Variants in CPEB3 observed in about 807,000 individuals in gnomAD.
CPEB3 encodes cytoplasmic polyadenylation element binding protein 3, also known as cytoplasmic polyadenylation element-binding protein 3.
CPEB3 carries 20 observed loss-of-function variants against 67.2 expected under a neutral mutation model. That is an observed-to-expected ratio of 0.30 (90% confidence interval 0.21 to 0.43). The LOEUF is 0.43. Ranked by LOEUF, CPEB3 falls within the 20% of genes least tolerant of loss-of-function variation. The pLI is 1.00. For synonymous variants in CPEB3, 376 were observed against 393.1 expected (o/e 0.96, Z 0.51); for missense variants, 746 against 968.6 (o/e 0.77, Z 3.05).
intron 1 of CPEB3, among the ~76,000 whole-genome samples, chr10:92,283,181 G>A (rs1030253940): frequency 2.0e-5 from 3 of 151,996 alleles, no homozygotes; most frequent in East Asian, 1.9e-4. Flanking sequence ...GAGCCCGGTA[G>A]GCAAGGCCAC....
intron 1 of CPEB3, among the ~76,000 whole-genome samples, chr10:92,258,689 T>G (rs1462905218): frequency 7.5e-6 from 1 of 132,736 alleles, no homozygotes; most frequent in Non-Finnish European, 1.6e-5. Flanking sequence ...TTTCATGTAT[T>G]TGTGTTCATC....
At position 92,240,114 on chromosome 10, in the gene CPEB3, T is replaced by C. The variant is rs1464041173; in HGVS notation, c.237A>G (p.Pro79=). ...GAGGAGGCTGATGGAAACTCAAGCC[T>C]GGCAGGAGCGGTGATTCCATCTGCA... is the stretch of plus-strand genomic sequence containing the variant. ...DKMQMESPLL[P]GLSFHQPPQQ... The change falls in exon 2 of 10, where the codon CCA becomes CCG. Residue 79 remains proline, a synonymous_variant. Transcript: ENST00000265997. The C allele has an allele frequency of 3.2e-6, 5 of 1,576,708 alleles. No individual in the cohort carries two copies. The highest frequency in any genetic ancestry group is 1.3e-5 in the African/African-American group (1 of 74,134).
At chr10:92,196,619 T>C (rs1035298754) in intron 2 of CPEB3, among the ~76,000 whole-genome samples, 5 of 151,876 alleles carry the variant, frequency 3.3e-5, no homozygotes, top group African/African-American at 9.7e-5. Flanking sequence ...ATACAAAAAA[T>C]CAGCCAGGCA....
At chr10:92,229,802 T>G (rs1031720524) in intron 2 of CPEB3, among the ~76,000 whole-genome samples, 1 of 152,206 alleles carries the variant, frequency 6.6e-6, no homozygotes, top group Admixed American at 6.5e-5. Flanking sequence ...CCCAACACTT[T>G]GGGAGGCCAA....
intron 1 of CPEB3, among the ~76,000 whole-genome samples, chr10:92,262,796 T>C (rs1271729652): frequency 6.6e-6 from 1 of 152,190 alleles, no homozygotes; most frequent in Non-Finnish European, 1.5e-5. Flanking sequence ...CCTAAATAAT[T>C]AGAATCATAA....
chr10:92,131,327 A>G (rs1323698375), intron 6 of CPEB3, among the ~76,000 whole-genome samples: 1 of 152,192 alleles, frequency 6.6e-6, no homozygotes, highest in East Asian at 1.9e-4. Flanking sequence ...ACCAAGAGCT[A>G]TCTATGGAGG....
rs1394292865 is a variant in CPEB3, at chr10:92,214,569, G to A, written c.1006-21933C>T. Among the ~76,000 whole-genome samples the A allele has an allele frequency of 7.3e-5, 11 of 151,660 alleles. No homozygotes were observed. The East Asian group carries it at 1.7e-3, about 24-fold the overall frequency. On this transcript the variant is annotated intron_variant, in intron 2 of 9. Coordinates refer to ENST00000265997, the MANE Select transcript of CPEB3 (RefSeq NM_014912.5). ...GTGATCTCAACTCACTGTAACCTCC[G>A]CCTCCCAGGTTCAAGCGATTCTCCT...
intron 9 of CPEB3, among the ~76,000 whole-genome samples, chr10:92,054,642 G>A (rs35738111): frequency 0.092 from 13,948 of 151,918 alleles, 898 homozygotes; most frequent in Non-Finnish European, 0.13. Flanking sequence ...GGGTTTCACC[G>A]TGTTGGCCAG....
chr10:92,232,843 TA>T (rs1273149623), intron 2 of CPEB3, among the ~76,000 whole-genome samples: 1 of 152,166 alleles, frequency 6.6e-6, no homozygotes, highest in East Asian at 1.9e-4. Flanking sequence ...AGAGGATATC[TA>T]AATTACATTT....
intron 3 of CPEB3, among the ~76,000 whole-genome samples, chr10:92,182,387 C>T (rs1247258755): frequency 6.6e-6 from 1 of 152,150 alleles, no homozygotes; most frequent in African/African-American, 2.4e-5. Flanking sequence ...GAAAGCATCA[C>T]AGTAGACAAA....
chr10:92,244,316 C>G (rs1590514549), intron 1 of CPEB3, among the ~76,000 whole-genome samples: 3 of 151,320 alleles, frequency 2.0e-5, no homozygotes, highest in East Asian at 3.9e-4. Context: ...CACTGCACTC[C>G]AGCCTGGGTG....
Position 92,091,734 on chromosome 10 carries a change from T to C in CPEB3, c.1687+96A>G, listed in dbSNP as rs959019420. ...CAGCCTTCTTTTTGGAGACTATGTATAGCTGACTGGAAACCTAGAAAATAT... is the reference window on the plus strand; with the variant it reads ...CAGCCTTCTTTTTGGAGACTATGTACAGCTGACTGGAAACCTAGAAAATAT... On this transcript the variant is annotated intron_variant, in intron 8 of 9. Transcript: ENST00000265997. 8.4e-6 allele frequency: 6 copies of C among 714,338 alleles called. No homozygotes were observed. The African/African-American group carries it at 1.1e-4, about 13-fold the overall frequency. 44.2% of individuals were successfully genotyped at this position (714,338 alleles called of 1,614,324 possible). A position where few individuals can be genotyped will look rare whatever the true frequency, so the allele number is the denominator to read the frequency against.
At position 92,046,869 on chromosome 10, in the gene CPEB3, C is replaced by T. The variant is rs1476533581; in HGVS notation, c.*5343G>A. ...AAAGGCAGAAGCTGAGTAAGGGTTA[C>T]TAGCAAAAAACAATCTAAGAGAACA... On this transcript the variant is annotated 3_prime_UTR_variant, in exon 10 of 10. Coordinates refer to ENST00000265997, the MANE Select transcript of CPEB3 (RefSeq NM_014912.5). The T allele has an allele frequency of 6.6e-6, 1 of 152,092 alleles. No homozygotes were observed. Among genetic ancestry groups the T allele is most frequent in the Non-Finnish European group, 1.5e-5 (1 of 68,012 alleles). The allele number at this position is 152,092 out of a possible 1,614,324, so 9.4% of individuals were successfully genotyped here.
rs144736971 is a variant in CPEB3 at position 92,169,329 on chromosome 10, G to A, written c.1222+11634C>T. ...AATTTTTGTATTTTTAGTAAAGACA[G>A]GGTTTCGTCATGTTGGCCAAGCTGG... On this transcript the variant is annotated intron_variant, in intron 4 of 9. Coordinates refer to ENST00000265997, the MANE Select transcript of CPEB3 (RefSeq NM_014912.5). 3.3e-3 allele frequency among the ~76,000 whole-genome samples: 501 copies of A among 152,174 alleles called. 4 individuals are homozygous for A. The highest frequency in any genetic ancestry group is 0.011 in the African/African-American group (470 of 41,512).
intron 7 of CPEB3, among the ~76,000 whole-genome samples, chr10:92,102,083 T>C (rs935287370): frequency 6.6e-6 from 1 of 152,212 alleles, no homozygotes; most frequent in African/African-American, 2.4e-5. Flanking sequence ...TTTGACCACA[T>C]AGCTCCCTAA....
At chr10:92,150,256 C>T (rs1361536677) in intron 4 of CPEB3, among the ~76,000 whole-genome samples, 3 of 144,274 alleles carry the variant, frequency 2.1e-5, no homozygotes, top group African/African-American at 2.5e-5. Flanking sequence ...CTCTCTCTCT[C>T]TTTTTTTTTT....
chr10:92,167,541 C>CA (rs1349934775), intron 4 of CPEB3, among the ~76,000 whole-genome samples: 1 of 152,280 alleles, frequency 6.6e-6, no homozygotes, highest in East Asian at 1.9e-4. Flanking sequence ...GTGGAGCAGA[C>CA]AGAACACAAC....
In CPEB3 at chr10:92,083,487, G is replaced by A. The variant is rs1313501074; in HGVS notation, c.1688-1986C>T. Among the ~76,000 whole-genome samples the A allele has an allele frequency of 2.0e-5, 3 of 152,040 alleles. No homozygotes were observed. In the East Asian group the frequency reaches 5.8e-4, roughly 29 times the overall value. ...ATACTTCATCCCAACAACCTCTGAT[G>A]GTTTGAGAATCTCCTCATACGGCTA... is the stretch of plus-strand genomic sequence containing the variant. On this transcript the variant is annotated intron_variant, in intron 8 of 9. Transcript: ENST00000265997.
rs1413205915 is a variant in CPEB3 at position 92,049,245 on chromosome 10, A to T, written c.*2967T>A. ...TTTTTTTTCTATTTTTTATACAAACAGTACAAACAGTATTGCACATAACAA... is the reference window on the plus strand; with the variant it reads ...TTTTTTTTCTATTTTTTATACAAACTGTACAAACAGTATTGCACATAACAA... On this transcript the variant is annotated 3_prime_UTR_variant, in exon 10 of 10. Transcript: ENST00000265997. The T allele has an allele frequency of 2.0e-5, 3 of 152,282 alleles. No individual in the cohort carries two copies. The highest frequency in any genetic ancestry group is 2.9e-5 in the Non-Finnish European group (2 of 67,990). The allele number at this position is 152,282 out of a possible 1,614,324, so 9.4% of individuals were successfully genotyped here.
Sources: gnomAD v4.1 joint callset for allele counts (sites outside exome capture counted in the v4.1 genomes callset) on GRCh38, gnomAD v4.1.1 for gene constraint, MANE v1.5 for transcripts, NCBI Gene and HGNC (gene_info 2026-07-23, HGNC 2026-07-21) for gene names.